Variants in ASAP1 observed in about 807,000 individuals in gnomAD.
ASAP1 encodes the protein ArfGAP with SH3 domain, ankyrin repeat and PH domain 1.
In ASAP1, 43 loss-of-function variants were observed where a neutral mutation model predicts 145.2. The ratio of observed to expected loss-of-function variants is 0.30; its 90% CI spans 0.23 to 0.38. The LOEUF (loss-of-function observed/expected upper bound fraction) is 0.38. Ranked by LOEUF, ASAP1 falls within the 10% of genes least tolerant of loss-of-function variation. ASAP1 has a pLI of 1.00. For synonymous variants in ASAP1, 546 were observed against 515.5 expected (o/e 1.06, Z -0.80); for missense variants, 1,018 against 1,355.3 (o/e 0.75, Z 3.91).
At chr8:130,058,960 CAG>C (rs1290694202) in intron 28 of ASAP1, among the ~76,000 whole-genome samples, 1 of 152,096 alleles carries the variant, frequency 6.6e-6, no homozygotes, top group Non-Finnish European at 1.5e-5. Flanking sequence ...ATTTATAACA[CAG>C]AGATTAAATG....
intron 5 of ASAP1, among the ~76,000 whole-genome samples, chr8:130,209,850 CCAAA>C (rs1282156379): frequency 2.0e-5 from 3 of 152,032 alleles, no homozygotes; most frequent in Non-Finnish European, 4.4e-5. Flanking sequence ...CCAGTATTTG[CCAAA>C]CATTTTCTTG....
chr8:130,096,431 AC>A (rs1238836170), intron 24 of ASAP1, among the ~76,000 whole-genome samples: 1 of 152,218 alleles, frequency 6.6e-6, no homozygotes, highest in Non-Finnish European at 1.5e-5. Context: ...TGCAGAGGTG[AC>A]TAAGAGGCAA....
chr8:130,212,881 T>C (rs1169942236), intron 5 of ASAP1, among the ~76,000 whole-genome samples: 1 of 152,198 alleles, frequency 6.6e-6, no homozygotes, highest in African/African-American at 2.4e-5. Flanking sequence ...ACTCTTGACT[T>C]AAGCCAATAC....
chr8:130,371,852 T>C (rs896116342), intron 2 of ASAP1, among the ~76,000 whole-genome samples: 6 of 152,200 alleles, frequency 3.9e-5, no homozygotes, highest in African/African-American at 1.4e-4. Flanking sequence ...CTAATGTTAT[T>C]TGGGTTTTTG....
intron 2 of ASAP1, chr8:130,360,808 A>C (rs1224158606): frequency 6.6e-6 from 1 of 152,270 alleles, no homozygotes. Context: ...TCACTTGCTC[A>C]TGTGCCATAG....
chr8:130,129,299 C>T (rs1433134924), intron 15 of ASAP1, among the ~76,000 whole-genome samples: 1 of 152,022 alleles, frequency 6.6e-6, no homozygotes, highest in African/African-American at 2.4e-5. Context: ...TGATATAATC[C>T]CAAATTTAAA....
At chr8:130,056,747 A>C (rs2097405172) in intron 29 of ASAP1, among the ~76,000 whole-genome samples, 1 of 152,224 alleles carries the variant, frequency 6.6e-6, no homozygotes, top group Non-Finnish European at 1.5e-5. Context: ...TGCGAGCCTC[A>C]GGTCCCTTCC....
chr8:130,176,038 C>T lies in ASAP1; in HGVS notation c.746+3226G>A, dbSNP rs193164321. 1.6e-3 allele frequency among the ~76,000 whole-genome samples: 250 copies of T among 152,222 alleles called. 2 individuals are homozygous for T. Among genetic ancestry groups the T allele is most frequent in the Non-Finnish European group, 2.6e-3 (178 of 68,014 alleles). Reference sequence around the variant, plus strand: ...GTCTGTTTGGAAAGCAGCATGTTCCCGACAATGTTCATGTCTGAAATTGAG... The same window carrying T: ...GTCTGTTTGGAAAGCAGCATGTTCCTGACAATGTTCATGTCTGAAATTGAG... On this transcript the variant is annotated intron_variant, in intron 9 of 29. Transcript: ENST00000518721.
chr8:130,071,525 C>T (rs1457684031), intron 27 of ASAP1, among the ~76,000 whole-genome samples: 2 of 152,112 alleles, frequency 1.3e-5, no homozygotes, highest in Non-Finnish European at 2.9e-5. Flanking sequence ...GTAATCTAGA[C>T]CAGCACAGTG....
chr8:130,276,728 A>ACACTCTCTCTCTCTCTCTCTCTCTCT (rs548512902), intron 3 of ASAP1, among the ~76,000 whole-genome samples: 2 of 87,272 alleles, frequency 2.3e-5, no homozygotes, highest in Admixed American at 1.3e-4. Context: ...ACACACACAC[A>ACACTCTCTCTCTCTCTCTCTCTCTCT]CTCTCTCTCT....
chr8:130,382,750 CAGG>C (rs1356720678), intron 2 of ASAP1, among the ~76,000 whole-genome samples: 3 of 152,062 alleles, frequency 2.0e-5, no homozygotes, highest in Non-Finnish European at 4.4e-5. Flanking sequence ...GAGGCTGAGG[CAGG>C]AGAATTGCTT....
intron 4 of ASAP1, among the ~76,000 whole-genome samples, chr8:130,222,333 T>C (rs183389093): frequency 4.9e-4 from 75 of 152,294 alleles, no homozygotes; most frequent in Middle Eastern, 6.8e-3. Flanking sequence ...AACCTAACCT[T>C]TGATTCTCAG....
intron 2 of ASAP1, among the ~76,000 whole-genome samples, chr8:130,377,798 C>T (rs754841857): frequency 2.0e-5 from 3 of 152,234 alleles, no homozygotes; most frequent in Non-Finnish European, 4.4e-5. Context: ...GCTCTCCACA[C>T]AGCCTCTCTG....
intron 24 of ASAP1, among the ~76,000 whole-genome samples, chr8:130,104,214 A>C (rs2097533405): frequency 6.6e-6 from 1 of 152,240 alleles, no homozygotes; most frequent in African/African-American, 2.4e-5. Flanking sequence ...ATAAATAGTA[A>C]CTTCTCTTAG....
intron 2 of ASAP1, among the ~76,000 whole-genome samples, chr8:130,391,961 A>G (rs1268131268): frequency 3.3e-5 from 5 of 152,060 alleles, no homozygotes; most frequent in African/African-American, 1.2e-4. Flanking sequence ...TACAACAAAG[A>G]CCATCTTTAT....
At chr8:130,385,884 C>T (rs1448403502) in intron 2 of ASAP1, among the ~76,000 whole-genome samples, 1 of 152,238 alleles carries the variant, frequency 6.6e-6, no homozygotes, top group Non-Finnish European at 1.5e-5. Context: ...GGAGTCCCCC[C>T]ACATCCTTTG....
At position 130,358,157 on chromosome 8, in the gene ASAP1, C is replaced by T; in HGVS notation, c.60-14G>A. 1 of 1,595,756 alleles carries T rather than the reference C, an allele frequency of 6.3e-7. No individual in the cohort carries two copies. Among genetic ancestry groups the T allele is most frequent in the Non-Finnish European group, 8.5e-7 (1 of 1,173,000 alleles). ...TGGTCCGGCATCCTGCCGGGAGGGACGAGACACAAGCGGGGGCGGGGGGTG... is the reference window on the plus strand; with the variant it reads ...TGGTCCGGCATCCTGCCGGGAGGGATGAGACACAAGCGGGGGCGGGGGGTG... On this transcript the variant is annotated splice_polypyrimidine_tract_variant and intron_variant, in intron 2 of 29. Coordinates refer to ENST00000518721, the MANE Select transcript of ASAP1 (RefSeq NM_018482.4). This position sits in a 1 kb window ranked among gnomAD's most constrained non-coding sequence, Gnocchi z 4.1.
chr8:130,430,988 C>T (rs1357037487), intron 1 of ASAP1, among the ~76,000 whole-genome samples: 1 of 152,194 alleles, frequency 6.6e-6, no homozygotes, highest in Non-Finnish European at 1.5e-5. Context: ...TAGTTTCCCA[C>T]TGAAGCCAGG....
chr8:130,390,933 T>G, intron 2 of ASAP1, among the ~76,000 whole-genome samples: 1 of 133,150 alleles, frequency 7.5e-6, no homozygotes, highest in African/African-American at 3.2e-5. Context: ...TGGGTATATA[T>G]CCCCCGCCCC....
Sources: allele counts gnomAD v4.1 joint callset (sites outside exome capture counted in the v4.1 genomes callset), GRCh38; gene constraint gnomAD v4.1.1; non-coding constraint Gnocchi (gnomAD v3.1); transcripts MANE v1.5; gene names NCBI Gene and HGNC (gene_info 2026-07-23, HGNC 2026-07-21).